SAA4: variants seen among roughly 807,000 people sequenced by gnomAD.
The protein encoded by SAA4 is serum amyloid A-4 protein.
Under a neutral mutation model 11.2 loss-of-function variants are expected in SAA4, and 8 were observed. That is an observed-to-expected ratio of 0.71 (90% confidence interval 0.42 to 1.29). SAA4 has a LOEUF of 1.29. Among genes scored for constraint, SAA4 ranks in the 50% most tolerant of loss-of-function variants. The pLI is 0.01. For missense variants in SAA4, 171 were observed against 164.2 expected (o/e 1.04, Z -0.23); for synonymous variants, 60 against 56.2 (o/e 1.07, Z -0.30).
chr11:18,235,993 G>A lies in SAA4; in HGVS notation c.-4-63C>T. ...AAAAAACACAGATCTATGTTTTGAGGACTGAATTTCTTTCCTTTTTTTCTT... is the reference window on the plus strand; with the variant it reads ...AAAAAACACAGATCTATGTTTTGAGAACTGAATTTCTTTCCTTTTTTTCTT... On this transcript the variant is annotated intron_variant, in intron 1 of 3. Coordinates refer to ENST00000278222, the MANE Select transcript of SAA4 (RefSeq NM_006512.4). The A allele has an allele frequency of 7.7e-6, 11 of 1,426,896 alleles. No homozygotes were observed. The South Asian group carries it at 1.3e-4, about 17-fold the overall frequency. 88.4% of individuals were successfully genotyped at this position (1,426,896 alleles called of 1,614,324 possible). A position where few individuals can be genotyped will look rare whatever the true frequency, so the allele number is the denominator to read the frequency against.
chr11:18,231,590 G>A lies in SAA4; in HGVS notation c.305C>T (p.Ser102Leu), dbSNP rs117979626. ...TTCCTCAGCTTTCTCGTTGGACTTC[G>A]AGTCCTCCAATACAGTGCTGCTGTT... is the stretch of plus-strand genomic sequence containing the variant. ...FGNSSTVLED[S>L]KSNEKAEEWG... Residue 102 changes from serine to leucine, a missense_variant, in exon 4 of 4, where the codon TCG becomes TTG. Ser to Leu is a moderately radical substitution (Grantham distance 145, BLOSUM62 -2). Transcript: ENST00000278222. The A allele has an allele frequency of 1.1e-3, 1,817 of 1,614,134 alleles. 17 individuals carry two copies. The East Asian group carries it at 0.016, about 14-fold the overall frequency.
Position 18,231,488 on chromosome 11 carries a change from G to C in SAA4, c.*14C>G. The C allele has an allele frequency of 1.2e-6, 2 of 1,609,276 alleles. No individual in the cohort carries two copies. The highest frequency in any genetic ancestry group is 8.5e-7 in the Non-Finnish European group (1 of 1,178,562). On this transcript the variant is annotated 3_prime_UTR_variant, in exon 4 of 4. Transcript: ENST00000278222. ...TCACAGCCCAGTTTCCCTGAGAGCA[G>C]AGGAGCAGGAAGCTCAGTATTTCTT...
At chr11:18,235,163 T>C (rs1857191109) in intron 2 of SAA4, among the ~76,000 whole-genome samples, 1 of 152,212 alleles carries the variant, frequency 6.6e-6, no homozygotes, top group South Asian at 2.1e-4. Context: ...AAATTTCAAT[T>C]GAAAAATTAC....
intron 2 of SAA4, among the ~76,000 whole-genome samples, chr11:18,235,090 T>A (rs997838411): frequency 3.3e-5 from 5 of 152,176 alleles, no homozygotes; most frequent in African/African-American, 1.2e-4. Flanking sequence ...CAAAACTTTT[T>A]AAAAACTATT....
chr11:18,235,997 G>T, intron 1 of SAA4, 67 bp from the exon 2 acceptor site: 3 of 1,397,840 alleles, frequency 2.1e-6, no homozygotes, highest in Admixed American at 2.4e-5. Flanking sequence ...TTTGAGGACT[G>T]AATTTCTTTC....
rs1002588700 is a variant in SAA4 at position 18,232,885 on chromosome 11, T to C, written c.92-352A>G. Among the ~76,000 whole-genome samples the C allele has an allele frequency of 5.3e-5, 8 of 152,330 alleles. No individual in the cohort carries two copies. The South Asian group carries it at 1.7e-3, about 32-fold the overall frequency. ...CAGTTGTCATGCCCTGGGCTACATC[T>C]TACATGGGTCTGTGTGTACTGTGTA... On this transcript the variant is annotated intron_variant, in intron 2 of 3. Transcript: ENST00000278222.
chr11:18,232,572 A>T (rs779397993), intron 2 of SAA4, 39 bp from the exon 3 acceptor site: 1 of 1,591,590 alleles, frequency 6.3e-7, no homozygotes, highest in South Asian at 1.1e-5. Context: ...ACCCAGTGAC[A>T]TACTGGAGAA....
Position 18,235,807 on chromosome 11 carries a change from A to G in SAA4, c.91+29T>C, listed in dbSNP as rs776983564. ...CCCCTGCTCAGAATGAATCCTGGGT[A>G]TGTGCCCTCCATCCTCCAGAGTTCT... On this transcript the variant is annotated intron_variant, in intron 2 of 3. Transcript: ENST00000278222. 1.9e-6 allele frequency: 3 copies of G among 1,606,196 alleles called. No individual in the cohort carries two copies. In the East Asian group the frequency reaches 6.7e-5, roughly 36 times the overall value.
Position 18,231,505 on chromosome 11 carries a change from G to A in SAA4, c.390C>T (p.Tyr130=). ...RFRPDGLPKK[Y] is the part of the protein sequence containing the mutation. ...TGAGAGCAGAGGAGCAGGAAGCTCA[G>A]TATTTCTTAGGCAGGCCGTCAGGTC... is the stretch of plus-strand genomic sequence containing the variant. Residue 130 remains tyrosine (Y), a synonymous_variant, in exon 4 of 4, where the codon TAC becomes TAT. Transcript: ENST00000278222. 2 of 1,611,854 alleles carry A rather than the reference G, an allele frequency of 1.2e-6. No individual in the cohort carries two copies. The highest frequency in any genetic ancestry group is 1.1e-5 in the South Asian group (1 of 90,900).
rs771595406 is a variant in SAA4 at position 18,231,522 on chromosome 11, C to A, written c.373G>T (p.Gly125Cys). 2 of 1,612,676 alleles carry A rather than the reference C, an allele frequency of 1.2e-6. No individual in the cohort carries two copies. Among genetic ancestry groups the A allele is most frequent in the Non-Finnish European group, 1.7e-6 (2 of 1,179,788 alleles). Reference protein sequence around the residue: ...GKDPDRFRPDGLPKKY With the variant: ...GKDPDRFRPDCLPKKY Reference sequence around the variant, plus strand: ...GAAGCTCAGTATTTCTTAGGCAGGCCGTCAGGTCTGAAGCGGTCGGGGTCT... The same window carrying A: ...GAAGCTCAGTATTTCTTAGGCAGGCAGTCAGGTCTGAAGCGGTCGGGGTCT... The change falls in exon 4 of 4, where the codon GGC becomes TGC. Residue 125 changes from glycine to cysteine, a missense_variant. Coordinates refer to ENST00000278222, the MANE Select transcript of SAA4 (RefSeq NM_006512.4).
In SAA4 at chr11:18,232,284, C is replaced by G. The variant is rs1419491937; in HGVS notation, c.230+111G>C. On this transcript the variant is annotated intron_variant, in intron 3 of 3. Transcript: ENST00000278222. ...AGCCTTGCTCTGGCTCTGCCAGCCA[C>G]CCAGACCCCAGGAGTATGTGGAGGA... The G allele has an allele frequency of 2.0e-6, 3 of 1,485,000 alleles. No homozygotes were observed. In the African/African-American group the frequency reaches 4.2e-5, roughly 21 times the overall value. 92.0% of individuals were successfully genotyped at this position (1,485,000 alleles called of 1,614,324 possible). A position where few individuals can be genotyped will look rare whatever the true frequency, so the allele number is the denominator to read the frequency against.
intron 2 of SAA4, among the ~76,000 whole-genome samples, 185 bp from the exon 3 acceptor site, chr11:18,232,718 A>T (rs1345743745): frequency 6.6e-6 from 1 of 152,228 alleles, no homozygotes; most frequent in African/African-American, 2.4e-5. Context: ...GTGCTTTTCC[A>T]TGGATTACAT....
Position 18,232,483 on chromosome 11 carries a change from G to C in SAA4, c.142C>G (p.Gln48Glu). Residue 48 changes from glutamine (Q) to glutamate (E), a missense_variant, in exon 3 of 4, where the codon CAA (glutamine) becomes GAA (glutamate). Gln to Glu is a conservative substitution (Grantham distance 29, BLOSUM62 2). Coordinates refer to ENST00000278222, the MANE Select transcript of SAA4 (RefSeq NM_006512.4). Reference protein sequence around the residue: ...AYWDIMISNHQNSNRYLYARG... With the variant: ...AYWDIMISNHENSNRYLYARG... ...GCATAGAGATATCTGTTTGAATTTT[G>C]GTGATTGGATATCATTATGTCCCAA... The C allele has an allele frequency of 6.2e-7, 1 of 1,614,094 alleles. No homozygotes were observed. Among genetic ancestry groups the C allele is most frequent in the South Asian group, 1.1e-5 (1 of 91,076 alleles).
At chr11:18,233,492 C>G (rs116452578) in intron 2 of SAA4, among the ~76,000 whole-genome samples, 2,901 of 152,052 alleles carry the variant, frequency 0.019, 66 homozygotes, top group African/African-American at 0.05. Flanking sequence ...ACAACTGGAA[C>G]TCTCATAATT....
intron 3 of SAA4, 125 bp from the exon 4 acceptor site, chr11:18,231,789 C>T: frequency 3.2e-6 from 4 of 1,261,440 alleles, no homozygotes; most frequent in Non-Finnish European, 4.3e-6. Context: ...GGCTGGAAAA[C>T]TCAAGGAAAG....
intron 2 of SAA4, among the ~76,000 whole-genome samples, chr11:18,233,709 C>G (rs1375478695): frequency 6.8e-6 from 1 of 148,048 alleles, no homozygotes; most frequent in Non-Finnish European, 1.5e-5. Flanking sequence ...GAGATGGGGT[C>G]TCACTTTGTT....
At chr11:18,235,434 G>A (rs1857195379) in intron 2 of SAA4, among the ~76,000 whole-genome samples, 1 of 152,166 alleles carries the variant, frequency 6.6e-6, no homozygotes, top group African/African-American at 2.4e-5. Flanking sequence ...TTGGGTACAG[G>A]ATGGGATTTC....
chr11:18,231,730 C>T, intron 3 of SAA4, 66 bp from the exon 4 acceptor site: 1 of 1,532,472 alleles, frequency 6.5e-7, no homozygotes, highest in Non-Finnish European at 8.8e-7. Flanking sequence ...GAGACAGCTC[C>T]ACCTGCTAAC....
chr11:18,232,534 C>A lies in SAA4; in HGVS notation c.92-1G>T. 6.2e-7 allele frequency: 1 copy of A among 1,608,108 alleles called. No individual in the cohort carries two copies. Among genetic ancestry groups the A allele is most frequent in the East Asian group, 2.2e-5 (1 of 44,792 alleles). On this transcript the variant is annotated splice_acceptor_variant, in intron 2 of 3. Coordinates refer to ENST00000278222, the MANE Select transcript of SAA4 (RefSeq NM_006512.4). LOFTEE classifies it high-confidence loss of function. ...TAGGCTCTGCCCATGTCCCCAACCCCTGGAAAGAAAAAAAATGACAAAAAT... is the reference window on the plus strand; with the variant it reads ...TAGGCTCTGCCCATGTCCCCAACCCATGGAAAGAAAAAAAATGACAAAAAT...
Sources: allele counts gnomAD v4.1 joint callset (sites outside exome capture counted in the v4.1 genomes callset), GRCh38; gene constraint gnomAD v4.1.1; transcripts MANE v1.5; gene names NCBI Gene and HGNC (gene_info 2026-07-23, HGNC 2026-07-21).